Variants in FAM219A observed in about 807,000 individuals in gnomAD.
FAM219A encodes the protein family with sequence similarity 219 member A, also known as protein FAM219A.
FAM219A carries 7 observed loss-of-function variants against 23.4 expected under a neutral mutation model. The ratio of observed to expected loss-of-function variants is 0.30; its 90% CI spans 0.17 to 0.56. FAM219A has a LOEUF of 0.56. Ranked by LOEUF, FAM219A falls within the 20% of genes least tolerant of loss-of-function variation. The pLI, the probability that FAM219A is intolerant of heterozygous loss-of-function variation, is 0.92. For synonymous variants in FAM219A, 93 were observed against 99.0 expected, an observed-to-expected ratio of 0.94 and a Z score of 0.36; for missense variants, 166 against 246.9, an observed-to-expected ratio of 0.67 and a Z score of 2.20.
rs1312858290 is a variant in FAM219A at position 34,457,460 on chromosome 9, G to A, written c.60+744C>T. 2.0e-5 allele frequency: 3 copies of A among 152,424 alleles called. No individual in the cohort carries two copies. The highest frequency in any genetic ancestry group is 4.8e-5 in the African/African-American group (2 of 41,398). The allele number at this position is 152,424 out of a possible 1,614,324, so 9.4% of individuals were successfully genotyped here. A position where few individuals can be genotyped will look rare whatever the true frequency, so the allele number is the denominator to read the frequency against. ...GGATCCGCGCCCAGCAAGGACTTCA[G>A]GCACGTAGGCCTAAGATGATGGGGG... On this transcript the variant is annotated intron_variant, in intron 1 of 5. Transcript: ENST00000651358. This position sits in a 1 kb window ranked among gnomAD's most constrained non-coding sequence, Gnocchi z 5.1.
chr9:34,437,881 C>T (rs534722300), intron 1 of FAM219A, among the ~76,000 whole-genome samples: 12 of 152,366 alleles, frequency 7.9e-5, no homozygotes, highest in African/African-American at 2.9e-4. Flanking sequence ...TCTGGGCTGG[C>T]CAAGGCCAGA....
At chr9:34,421,007 T>TGA (rs761212084) in intron 1 of FAM219A, among the ~76,000 whole-genome samples, 73 of 76,788 alleles carry the variant, frequency 9.5e-4, no homozygotes, top group East Asian at 2.4e-3. Context: ...TGTGTGTGTG[T>TGA]GTGAGAGAGA....
intron 1 of FAM219A, among the ~76,000 whole-genome samples, chr9:34,455,681 G>A (rs1204397138): frequency 1.3e-5 from 2 of 151,882 alleles, no homozygotes; most frequent in African/African-American, 4.8e-5. Flanking sequence ...TTCCCAGGCT[G>A]GACTATCTTA....
At chr9:34,447,696 A>G (rs900225926) in intron 1 of FAM219A, among the ~76,000 whole-genome samples, 7 of 152,170 alleles carry the variant, frequency 4.6e-5, no homozygotes, top group Non-Finnish European at 1.0e-4. Context: ...CCAACCACTC[A>G]TATGAAATTC....
chr9:34,441,864 C>G (rs1358104686), intron 1 of FAM219A, among the ~76,000 whole-genome samples: 2 of 152,158 alleles, frequency 1.3e-5, no homozygotes, highest in African/African-American at 4.8e-5. Context: ...GCTAGGACTA[C>G]AGGTGCATGC....
At chr9:34,436,028 CT>C (rs1822897817) in intron 1 of FAM219A, among the ~76,000 whole-genome samples, 1 of 152,144 alleles carries the variant, frequency 6.6e-6, no homozygotes, top group Non-Finnish European at 1.5e-5. Flanking sequence ...TGGTCTCAAT[CT>C]CCTGACCTCA....
Position 34,413,767 on chromosome 9 carries a change from A to G in FAM219A, c.61-7803T>C, listed in dbSNP as rs538096074. ...CTGTTTATTTTCCCTGGATAATAGC[A>G]GGAGGCAGGATAGACAGAAAAGCAG... On this transcript the variant is annotated intron_variant, in intron 1 of 5. Transcript: ENST00000651358. 1.5e-4 allele frequency among the ~76,000 whole-genome samples: 23 copies of G among 152,344 alleles called. No homozygotes were observed. In the South Asian group the frequency reaches 4.3e-3, roughly 29 times the overall value.
chr9:34,453,101 G>A (rs1361963135), intron 1 of FAM219A, among the ~76,000 whole-genome samples: 2 of 152,156 alleles, frequency 1.3e-5, no homozygotes, highest in Non-Finnish European at 2.9e-5. Flanking sequence ...GGGTGCCTCT[G>A]CCCAGGAGCC....
In FAM219A at chr9:34,405,865, C is replaced by T; in HGVS notation, c.160G>A (p.Glu54Lys). The change falls in exon 2 of 6, where the codon GAG (glutamate) becomes AAG (lysine). Residue 54 changes from glutamate (E) to lysine (K), a missense_variant and splice_region_variant. Glu to Lys is a moderately conservative substitution (Grantham distance 56). This residue lies in a region of FAM219A where 89 missense variants were observed against 98.8 expected (regional missense o/e 0.90). Transcript: ENST00000651358. The stretch of plus-strand genomic sequence containing the variant: ...TCCCTCACCCCCCAGACACACTCAC[C>T]CAGCTTCACTTGGAGCGGGGATGGT... Reference protein sequence around the residue: ...YKPSPLQVKLEKQRELARKGS... With the variant: ...YKPSPLQVKLKKQRELARKGS... The T allele has an allele frequency of 6.2e-7, 1 of 1,613,964 alleles. No individual in the cohort carries two copies. The highest frequency in any genetic ancestry group is 1.1e-5 in the South Asian group (1 of 91,064).
chr9:34,401,354 T>G (rs1261573492), intron 5 of FAM219A, among the ~76,000 whole-genome samples: 3 of 152,194 alleles, frequency 2.0e-5, no homozygotes, highest in Non-Finnish European at 4.4e-5. Flanking sequence ...ACTTCACACC[T>G]CTGGTCCTGC....
At chr9:34,426,571 T>C (rs1352613630) in intron 1 of FAM219A, among the ~76,000 whole-genome samples, 1 of 152,202 alleles carries the variant, frequency 6.6e-6, no homozygotes, top group African/African-American at 2.4e-5. Flanking sequence ...GAACAGGCAA[T>C]GGCGCCGTTT....
intron 1 of FAM219A, among the ~76,000 whole-genome samples, chr9:34,441,114 A>G (rs1255180320): frequency 1.3e-5 from 2 of 151,540 alleles, no homozygotes; most frequent in East Asian, 1.9e-4. Flanking sequence ...CCTTCCCCCA[A>G]CCTCTCCCGG....
chr9:34,418,004 G>T (rs117124067), intron 1 of FAM219A, among the ~76,000 whole-genome samples: 1,596 of 152,316 alleles, frequency 0.01, 27 homozygotes, highest in Non-Finnish European at 0.015. Context: ...TAATTGCGGA[G>T]CCAGAAAGCA....
chr9:34,423,664 G>A (rs543908411), intron 1 of FAM219A, among the ~76,000 whole-genome samples: 16 of 152,346 alleles, frequency 1.1e-4, no homozygotes, highest in African/African-American at 3.4e-4. Flanking sequence ...CTGGGAGCAG[G>A]TCCAAGGAAT....
chr9:34,447,827 A>G (rs760440156), intron 1 of FAM219A, among the ~76,000 whole-genome samples: 14 of 151,980 alleles, frequency 9.2e-5, no homozygotes, highest in Non-Finnish European at 1.6e-4. Context: ...TTAATTCAAT[A>G]CTTCAGAAAC....
intron 1 of FAM219A, among the ~76,000 whole-genome samples, chr9:34,416,252 AAAGAAAGG>A (rs1822015787): frequency 1.7e-5 from 2 of 118,460 alleles, no homozygotes; most frequent in Admixed American, 1.7e-4. Flanking sequence ...AGAAAGAAAG[AAAGAAAGG>A]GGGAGGGAGG....
chr9:34,405,799 T>C, intron 2 of FAM219A, 66 bp downstream of exon 2: 2 of 1,490,870 alleles, frequency 1.3e-6, no homozygotes, highest in South Asian at 1.2e-5. Context: ...TGGCACCTCA[T>C]TGTAGACCCA....
chr9:34,418,750 C>G (rs573874996), intron 1 of FAM219A, among the ~76,000 whole-genome samples: 4 of 152,202 alleles, frequency 2.6e-5, no homozygotes, highest in African/African-American at 9.6e-5. Flanking sequence ...AGTTAAGGTA[C>G]AAAGTTCTTT....
intron 1 of FAM219A, among the ~76,000 whole-genome samples, chr9:34,441,755 G>T (rs1277128234): frequency 6.6e-6 from 1 of 151,996 alleles, no homozygotes; most frequent in Non-Finnish European, 1.5e-5. Context: ...TTTGAGACAG[G>T]GTCTCGCTCT....
Sources: gnomAD v4.1 joint callset for allele counts (sites outside exome capture counted in the v4.1 genomes callset) on GRCh38, gnomAD v4.1.1 for gene constraint, gnomAD v4.1.1 regional missense constraint, Gnocchi (gnomAD v3.1) non-coding constraint, MANE v1.5 for transcripts, NCBI Gene and HGNC (gene_info 2026-07-23, HGNC 2026-07-21) for gene names.